Variants in ACYP2 observed in about 807,000 individuals in gnomAD.
ACYP2 encodes the protein acylphosphatase 2.
In ACYP2, 12 loss-of-function variants were observed where a neutral mutation model predicts 11.2. That is an observed-to-expected ratio of 1.08 (90% CI 0.69 to 1.74). The LOEUF is 1.74. Among genes scored for constraint, ACYP2 ranks in the 40% most tolerant of loss-of-function variants. The probability of loss-of-function intolerance (pLI) is 0.00; values close to 1 mark genes in which losing one functional copy is unlikely to be tolerated. For missense variants in ACYP2, 134 were observed against 101.9 expected, an observed-to-expected ratio of 1.31 and a Z score of -1.35; for synonymous variants, 43 against 32.2, an observed-to-expected ratio of 1.33 and a Z score of -1.13.
intron 6 of ACYP2, among the ~76,000 whole-genome samples, chr2:54,228,131 C>T (rs1205565090): frequency 6.6e-6 from 1 of 152,064 alleles, no homozygotes; most frequent in Admixed American, 6.5e-5. Context: ...AATTTCAATC[C>T]CTTATTACTT....
chr2:54,048,868 C>T (rs552011357), intron 2 of ACYP2, among the ~76,000 whole-genome samples: 4 of 152,246 alleles, frequency 2.6e-5, no homozygotes, highest in South Asian at 4.1e-4. Context: ...GCACCTCATA[C>T]CAGGCAAGGG....
At chr2:54,106,692 T>G (rs1212916947) in intron 4 of ACYP2, among the ~76,000 whole-genome samples, 2 of 152,142 alleles carry the variant, frequency 1.3e-5, no homozygotes, top group African/African-American at 4.8e-5. Context: ...CAAGCGATTC[T>G]CCTGCATCTG....
intron 6 of ACYP2, among the ~76,000 whole-genome samples, chr2:54,211,749 C>T (rs905077948): frequency 6.6e-6 from 1 of 152,194 alleles, no homozygotes; most frequent in African/African-American, 2.4e-5. Context: ...TAAATGATGT[C>T]TACCATTTCT....
At chr2:53,973,316 A>T (rs1671264634) in intron 1 of ACYP2, among the ~76,000 whole-genome samples, 1 of 152,220 alleles carries the variant, frequency 6.6e-6, no homozygotes, top group East Asian at 1.9e-4. Flanking sequence ...ATAATGGGGT[A>T]GGGAGAGCCG....
chr2:54,252,209 T>C (rs192987762), intron 6 of ACYP2, among the ~76,000 whole-genome samples: 78 of 152,300 alleles, frequency 5.1e-4, no homozygotes, highest in African/African-American at 1.9e-3. Context: ...CAACAACATA[T>C]TTGTGAGATT....
chr2:54,285,044 T>C (rs1394819617), intron 6 of ACYP2, among the ~76,000 whole-genome samples: 2 of 152,208 alleles, frequency 1.3e-5, no homozygotes, highest in African/African-American at 4.8e-5. Context: ...ATCAAGGCAC[T>C]AGCAGATTCA....
intron 6 of ACYP2, among the ~76,000 whole-genome samples, chr2:54,265,857 G>A (rs959077441): frequency 1.2e-4 from 18 of 152,286 alleles, no homozygotes; most frequent in South Asian, 2.1e-4. Context: ...TCTAAAGAGC[G>A]AAGCTTAGCA....
intron 6 of ACYP2, among the ~76,000 whole-genome samples, chr2:54,269,629 G>C (rs1688192655): frequency 6.6e-6 from 1 of 152,140 alleles, no homozygotes; most frequent in Non-Finnish European, 1.5e-5. Flanking sequence ...CGTAACTCTA[G>C]GAAGCTGAAT....
At chr2:54,187,168 C>T (rs1251175531) in intron 6 of ACYP2, among the ~76,000 whole-genome samples, 2 of 152,092 alleles carry the variant, frequency 1.3e-5, no homozygotes, top group African/African-American at 2.4e-5. Context: ...CAATCTGGGG[C>T]AGGTAGCTTC....
chr2:54,300,765 T>G (rs924635097), intron 6 of ACYP2, among the ~76,000 whole-genome samples: 3 of 152,246 alleles, frequency 2.0e-5, no homozygotes, highest in Non-Finnish European at 4.4e-5. Flanking sequence ...ATTTGTTAGG[T>G]AGTACCAAGT....
At chr2:54,247,182 TG>T (rs1161570479) in intron 6 of ACYP2, among the ~76,000 whole-genome samples, 1 of 152,206 alleles carries the variant, frequency 6.6e-6, no homozygotes. Flanking sequence ...GCTCTCTCCT[TG>T]AGATTTTTCC....
intron 4 of ACYP2, among the ~76,000 whole-genome samples, chr2:54,068,888 AAATT>A (rs1676876852): frequency 6.6e-6 from 1 of 152,074 alleles, no homozygotes; most frequent in African/African-American, 2.4e-5. Context: ...TCATTAAATT[AAATT>A]AATTACTTAA....
intron 4 of ACYP2, among the ~76,000 whole-genome samples, chr2:54,088,721 G>A (rs1328161553): frequency 1.3e-5 from 2 of 152,228 alleles, no homozygotes; most frequent in Non-Finnish European, 2.9e-5. Context: ...GTGGCTTAAA[G>A]TGACCATAGA....
At chr2:54,240,355 A>T (rs1388480500) in intron 6 of ACYP2, among the ~76,000 whole-genome samples, 2 of 152,230 alleles carry the variant, frequency 1.3e-5, no homozygotes, top group Admixed American at 6.5e-5. Context: ...ATCATTCTGC[A>T]TATGTGGTGA....
In ACYP2 at chr2:54,065,167, G is replaced by A. The variant is rs576067123; in HGVS notation, c.277+7807G>A. Among the ~76,000 whole-genome samples the A allele has an allele frequency of 2.0e-5, 3 of 152,270 alleles. No individual in the cohort carries two copies. In the East Asian group the frequency reaches 5.8e-4, roughly 29 times the overall value. On this transcript the variant is annotated intron_variant, in intron 4 of 6. Transcript: ENST00000607452. The stretch of plus-strand genomic sequence containing the variant: ...TAGATGATGTTGGCTTAGAGTAGGA[G>A]TTGCAGTGGTAACACAGAGAATTGC...
chr2:54,059,620 T>C (rs1487198565), intron 4 of ACYP2, among the ~76,000 whole-genome samples: 1 of 152,218 alleles, frequency 6.6e-6, no homozygotes, highest in East Asian at 1.9e-4. Flanking sequence ...GTCTCTGTCT[T>C]CCTGATCCTG....
intron 6 of ACYP2, among the ~76,000 whole-genome samples, chr2:54,181,969 A>G (rs1683753792): frequency 6.6e-6 from 1 of 151,676 alleles, no homozygotes; most frequent in Admixed American, 6.6e-5. Context: ...AAAACCCTAT[A>G]TACTTATTTA....
chr2:54,004,601 C>CG (rs1340813131), intron 2 of ACYP2, among the ~76,000 whole-genome samples: 4 of 151,004 alleles, frequency 2.6e-5, no homozygotes, highest in South Asian at 4.2e-4. Flanking sequence ...TTAGTAGAGA[C>CG]GGGTTTCACA....
chr2:54,131,525 A>G (rs1449524503), intron 4 of ACYP2, among the ~76,000 whole-genome samples: 1 of 152,210 alleles, frequency 6.6e-6, no homozygotes, highest in Non-Finnish European at 1.5e-5. Context: ...GGCTGTGCCA[A>G]TGTCAGGTCC....
Sources: allele counts gnomAD v4.1 joint callset (sites outside exome capture counted in the v4.1 genomes callset), GRCh38; gene constraint gnomAD v4.1.1; transcripts MANE v1.5; gene names NCBI Gene and HGNC (gene_info 2026-07-23, HGNC 2026-07-21).